CLCN4: variants seen among roughly 807,000 people sequenced by gnomAD.
CLCN4 encodes the protein Cl-/H+ antiporter 4, also known as H(+)/Cl(-) exchange transporter 4.
CLCN4 carries 1 observed loss-of-function variant against 41.7 expected under a neutral mutation model. The observed-to-expected ratio is 0.02, with a 90% CI of 0.01 to 0.11. CLCN4 has a LOEUF of 0.11. Ranked by LOEUF, CLCN4 falls within the 10% of genes least tolerant of loss-of-function variation. The pLI is 1.00. For synonymous variants in CLCN4, 277 were observed against 285.8 expected, an observed-to-expected ratio of 0.97 and a Z score of 0.31; for missense variants, 287 against 661.0, an observed-to-expected ratio of 0.43 and a Z score of 6.20.
intron 2 of CLCN4, among the ~76,000 whole-genome samples, chrX:10,178,127 T>A (rs1241356126): frequency 9.3e-6 from 1 of 107,188 alleles, no homozygotes; most frequent in African/African-American, 3.4e-5. Flanking sequence ...TATTAGTGGC[T>A]GCCTAGGCTG....
intron 4 of CLCN4, among the ~76,000 whole-genome samples, chrX:10,189,010 G>A (rs562408720): frequency 4.5e-5 from 5 of 111,924 alleles, no homozygotes; most frequent in Admixed American, 9.5e-5. Flanking sequence ...GGCATTTCCC[G>A]TCATGTACTG....
At chrX:10,229,996 G>A (rs1925086774) in intron 12 of CLCN4, among the ~76,000 whole-genome samples, 1 of 112,389 alleles carries the variant, frequency 8.9e-6, no homozygotes, top group African/African-American at 3.2e-5. Flanking sequence ...TTTACCCTTT[G>A]TGTTACAAAC....
chrX:10,174,796 A>G (rs1366865716), intron 2 of CLCN4, among the ~76,000 whole-genome samples: 1 of 112,031 alleles, frequency 8.9e-6, no homozygotes, highest in East Asian at 2.8e-4. Context: ...AAGTCAGGAA[A>G]GACTGTTGCT....
intron 2 of CLCN4, among the ~76,000 whole-genome samples, chrX:10,168,336 G>T (rs1186785195): frequency 9.0e-6 from 1 of 111,495 alleles, no homozygotes; most frequent in African/African-American, 3.3e-5. Flanking sequence ...AGGGAAACAC[G>T]CCACAGCCTG....
intron 11 of CLCN4, among the ~76,000 whole-genome samples, chrX:10,218,939 A>G (rs1024838505): frequency 1.8e-5 from 2 of 112,222 alleles, no homozygotes; most frequent in African/African-American, 6.5e-5. Flanking sequence ...GCAGAACCAG[A>G]TACACTGACA....
chrX:10,208,458 C>T lies in CLCN4; in HGVS notation c.1257C>T (p.Asp419=). 1 of 1,211,618 alleles carries T rather than the reference C, an allele frequency of 8.3e-7. No homozygotes were observed. The highest frequency in any genetic ancestry group is 1.1e-6 in the Non-Finnish European group (1 of 895,437). ...CCCAGCTCTGTGACTACATCAATGA[C>T]CCCAACATGACTCGGCCTGTGGATG... ...ESSQLCDYIN[D]PNMTRPVDDI... is the part of the protein sequence containing the mutation. Residue 419 remains aspartate, a synonymous_variant, in exon 9 of 13, where the codon GAC becomes GAT. Transcript: ENST00000380833.
intron 2 of CLCN4, among the ~76,000 whole-genome samples, chrX:10,174,893 C>T (rs185633042): frequency 3.6e-5 from 4 of 112,401 alleles, no homozygotes; most frequent in South Asian, 3.7e-4. Context: ...TACGTCTCTA[C>T]TTTTCATTGT....
At chrX:10,183,160 T>C (rs1923727941) in intron 2 of CLCN4, among the ~76,000 whole-genome samples, 1 of 112,265 alleles carries the variant, frequency 8.9e-6, no homozygotes, top group South Asian at 3.7e-4. Context: ...AATTTTACTC[T>C]CTTCCTCATA....
chrX:10,233,383 G>A (rs1421141575), intron 12 of CLCN4, 111 bp from the exon 13 acceptor site: 1 of 547,652 alleles, frequency 1.8e-6, no homozygotes, highest in Admixed American at 2.9e-5. Context: ...AGGGAGGCTG[G>A]GAAATGTTGT....
At chrX:10,230,565 C>T (rs1444605469) in intron 12 of CLCN4, among the ~76,000 whole-genome samples, 1 of 112,116 alleles carries the variant, frequency 8.9e-6, no homozygotes, top group Non-Finnish European at 1.9e-5. Flanking sequence ...TGTGAGGAGA[C>T]CAGAGCCCTT....
intron 9 of CLCN4, among the ~76,000 whole-genome samples, chrX:10,209,829 C>CT (rs58207034): frequency 0.028 from 2,740 of 97,572 alleles, 97 homozygotes; most frequent in African/African-American, 0.093. Context: ...GTTATTATAG[C>CT]TTTTTTTTTT....
In CLCN4 at chrX:10,218,328, A is replaced by C. The variant is rs751568548; in HGVS notation, c.1976-2333A>C. On this transcript the variant is annotated intron_variant, in intron 11 of 12. Transcript: ENST00000380833. ...TCCTTTTTGTCTTTTAGGTCTTTTA[A>C]AAAGATGCATTTTCGGTTGTATTGT... 3.6e-5 allele frequency among the ~76,000 whole-genome samples: 4 copies of C among 111,811 alleles called. No individual in the cohort carries two copies. In the East Asian group the frequency reaches 8.5e-4, roughly 24 times the overall value.
chrX:10,160,019 G>T (rs947232542), intron 2 of CLCN4, among the ~76,000 whole-genome samples: 2 of 110,347 alleles, frequency 1.8e-5, no homozygotes, highest in African/African-American at 6.6e-5. Context: ...ACTCCTTGTG[G>T]TGAGGCTGTC....
chrX:10,159,608 T>C (rs757007382), intron 2 of CLCN4, among the ~76,000 whole-genome samples: 2 of 111,475 alleles, frequency 1.8e-5, no homozygotes, highest in African/African-American at 6.5e-5. Flanking sequence ...CATGAATAAT[T>C]TGACCAACCA....
At chrX:10,162,082 G>A (rs1278753475) in intron 2 of CLCN4, among the ~76,000 whole-genome samples, 1 of 100,955 alleles carries the variant, frequency 9.9e-6, no homozygotes, top group African/African-American at 3.7e-5. Context: ...CAGTGGTAGC[G>A]ATCTCAGCTC....
chrX:10,207,875 G>A (rs189683304), intron 8 of CLCN4, among the ~76,000 whole-genome samples, 170 bp from the exon 9 acceptor site: 76 of 112,237 alleles, frequency 6.8e-4, no homozygotes, highest in Admixed American at 1.8e-3. Flanking sequence ...GACATAGTTA[G>A]ATTCCTCCAG....
intron 2 of CLCN4, among the ~76,000 whole-genome samples, chrX:10,168,913 A>G (rs1923313450): frequency 9.0e-6 from 1 of 110,694 alleles, no homozygotes; most frequent in Non-Finnish European, 1.9e-5. Flanking sequence ...TGTGAGCTTC[A>G]TTCTTATTAT....
intron 6 of CLCN4, among the ~76,000 whole-genome samples, chrX:10,202,965 A>G (rs1392386288): frequency 5.3e-5 from 6 of 112,233 alleles, no homozygotes; most frequent in Non-Finnish European, 1.1e-4. Flanking sequence ...TTCAGTCTCT[A>G]TGAATTCAAA....
At chrX:10,214,105 T>C in intron 11 of CLCN4, 26 bp downstream of exon 11, 1 of 1,138,406 alleles carries the variant, frequency 8.8e-7, no homozygotes, top group South Asian at 2.2e-5. Context: ...GAAGCTCACA[T>C]TTTACCAAGA....
Sources: allele counts gnomAD v4.1 joint callset (sites outside exome capture counted in the v4.1 genomes callset), GRCh38; gene constraint gnomAD v4.1.1; transcripts MANE v1.5; gene names NCBI Gene and HGNC (gene_info 2026-07-23, HGNC 2026-07-21).